Variants in PCDH15 observed in about 807,000 individuals in gnomAD.
PCDH15 encodes protocadherin related 15.
In PCDH15, 129 loss-of-function variants were observed where a neutral mutation model predicts 178.5. The ratio of observed to expected loss-of-function variants is 0.72; its 90% CI spans 0.63 to 0.84. The LOEUF is 0.84. Among genes scored for constraint, PCDH15 ranks in the 40% least tolerant of loss-of-function variants. The probability of loss-of-function intolerance (pLI) is 0.00; values close to 1 mark genes in which losing one functional copy is unlikely to be tolerated. For synonymous variants in PCDH15, 800 were observed against 732.0 expected (o/e 1.09, Z -1.50); for missense variants, 2,230 against 2,099.9 (o/e 1.06, Z -1.21).
At chr10:55,564,133 G>A (rs1050991979) in intron 2 of PCDH15, among the ~76,000 whole-genome samples, 2 of 151,550 alleles carry the variant, frequency 1.3e-5, no homozygotes, top group African/African-American at 4.8e-5. Context: ...TATAACTTTG[G>A]TTTGTACATC....
chr10:54,835,808 G>T (rs2133755970), intron 3 of PCDH15, among the ~76,000 whole-genome samples: 1 of 152,246 alleles, frequency 6.6e-6, no homozygotes, highest in Non-Finnish European at 1.5e-5. Flanking sequence ...TGTGTCTGTA[G>T]ATAGATTATA....
chr10:54,217,336 C>T (rs1204274820), intron 9 of PCDH15, among the ~76,000 whole-genome samples: 2 of 152,122 alleles, frequency 1.3e-5, no homozygotes, highest in South Asian at 4.1e-4. Flanking sequence ...ACTGACATCA[C>T]ACCCACAGTG....
At chr10:54,778,733 C>T (rs1207954235) in intron 1 of PCDH15, among the ~76,000 whole-genome samples, 1 of 152,024 alleles carries the variant, frequency 6.6e-6, no homozygotes, top group Admixed American at 6.6e-5. Context: ...CTACTCTTGA[C>T]TGGTCGTATT....
chr10:54,472,515 T>C (rs2136713856), intron 3 of PCDH15, among the ~76,000 whole-genome samples: 1 of 152,278 alleles, frequency 6.6e-6, no homozygotes, highest in South Asian at 2.1e-4. Context: ...AACCCACGTA[T>C]GAAACAACAG....
chr10:54,171,920 C>T (rs1373414601), intron 13 of PCDH15, among the ~76,000 whole-genome samples: 2 of 149,976 alleles, frequency 1.3e-5, no homozygotes, highest in Non-Finnish European at 1.5e-5. Flanking sequence ...GTTCCCACGC[C>T]GCCCCTAATC....
intron 21 of PCDH15, among the ~76,000 whole-genome samples, chr10:53,968,310 A>G (rs7896582): frequency 0.71 from 107,248 of 151,978 alleles, 38,235 homozygotes; most frequent in East Asian, 0.87. Context: ...GGGGAGGGGC[A>G]TCCACCATTG....
At chr10:54,506,137 T>A (rs1294001943) in intron 3 of PCDH15, among the ~76,000 whole-genome samples, 3 of 152,126 alleles carry the variant, frequency 2.0e-5, no homozygotes, top group South Asian at 2.1e-4. Flanking sequence ...CTTTTATATA[T>A]CTGATATATC....
chr10:54,605,058 GATT>G (rs1221916937), intron 2 of PCDH15, among the ~76,000 whole-genome samples: 1 of 151,560 alleles, frequency 6.6e-6, no homozygotes. Flanking sequence ...TCCCATTATA[GATT>G]ATTGATATCA....
intron 2 of PCDH15, among the ~76,000 whole-genome samples, chr10:55,526,672 C>G (rs1197066420): frequency 6.6e-6 from 1 of 152,072 alleles, no homozygotes; most frequent in Non-Finnish European, 1.5e-5. Flanking sequence ...CAGACTATCA[C>G]ACTCAAACAA....
At position 55,064,436 on chromosome 10, in the gene PCDH15, G is replaced by A. The variant is rs566438701; in HGVS notation, c.-80+102140C>T. Reference sequence around the variant, plus strand: ...ACATCATGCCTGAAATCCCTTGCACGTGCCTGAAAAGCACACATGTGTGCA... The same window carrying A: ...ACATCATGCCTGAAATCCCTTGCACATGCCTGAAAAGCACACATGTGTGCA... On this transcript the variant is annotated intron_variant, in intron 2 of 5. Transcript: ENST00000458638. 1.6e-3 allele frequency among the ~76,000 whole-genome samples: 243 copies of A among 152,034 alleles called. 1 individual carries two copies. Among genetic ancestry groups the A allele is most frequent in the Non-Finnish European group, 2.9e-3 (194 of 67,960 alleles).
rs192073449 is a variant in PCDH15 at position 55,370,946 on chromosome 10, T to G, written c.-155-204295A>C. 4.3e-3 allele frequency among the ~76,000 whole-genome samples: 651 copies of G among 152,212 alleles called. 2 individuals are homozygous for G. The highest frequency in any genetic ancestry group is 0.02 in the Middle Eastern group (6 of 294). The stretch of plus-strand genomic sequence containing the variant: ...TGACAAATGGCCTGTAACTTTGAGG[T>G]TGCATCTGAATTTGGGTGTGTGACA... On this transcript the variant is annotated intron_variant, in intron 2 of 5. Coordinates refer to the PCDH15 transcript ENST00000613346.
At chr10:54,865,366 G>A (rs1018295255) in intron 3 of PCDH15, among the ~76,000 whole-genome samples, 6 of 152,134 alleles carry the variant, frequency 3.9e-5, no homozygotes, top group African/African-American at 1.4e-4. Flanking sequence ...GTGGCTTGTG[G>A]GGGACGCTCA....
chr10:54,025,107 G>A (rs913744598), intron 18 of PCDH15, among the ~76,000 whole-genome samples: 4 of 152,038 alleles, frequency 2.6e-5, no homozygotes, highest in Admixed American at 1.3e-4. Flanking sequence ...TGGTAGAATG[G>A]CTCAATTTGA....
At chr10:54,087,042 T>C (rs962471343) in intron 16 of PCDH15, among the ~76,000 whole-genome samples, 1 of 152,072 alleles carries the variant, frequency 6.6e-6, no homozygotes, top group African/African-American at 2.4e-5. Context: ...AATTGAAAAA[T>C]CTCTTGGCAT....
At chr10:54,873,109 C>A (rs1047967467) in intron 3 of PCDH15, among the ~76,000 whole-genome samples, 1 of 152,066 alleles carries the variant, frequency 6.6e-6, no homozygotes, top group African/African-American at 2.4e-5. Flanking sequence ...GTAAATTTGA[C>A]CTTTTTGGTG....
chr10:54,620,390 T>C (rs1357113322), intron 2 of PCDH15, among the ~76,000 whole-genome samples: 1 of 152,028 alleles, frequency 6.6e-6, no homozygotes, highest in Non-Finnish European at 1.5e-5. Flanking sequence ...ATAAAAAAGA[T>C]TCTAATATTT....
intron 1 of PCDH15, among the ~76,000 whole-genome samples, chr10:54,797,823 T>C (rs1284923400): frequency 1.3e-5 from 2 of 151,864 alleles, no homozygotes; most frequent in African/African-American, 2.4e-5. Context: ...GCGGGGTGTG[T>C]CCATCTTACT....
At chr10:54,081,912 C>T (rs148179037) in intron 16 of PCDH15, among the ~76,000 whole-genome samples, 1 of 152,126 alleles carries the variant, frequency 6.6e-6, no homozygotes, top group African/African-American at 2.4e-5. Flanking sequence ...GGACCTTCAA[C>T]AGCAAATTTG....
intron 2 of PCDH15, among the ~76,000 whole-genome samples, chr10:54,629,032 T>A (rs186236460): frequency 6.6e-6 from 1 of 152,264 alleles, no homozygotes; most frequent in Non-Finnish European, 1.5e-5. Context: ...AGAAAGCTTA[T>A]GACAAAATTA....
Sources: gnomAD v4.1 joint callset for allele counts (sites outside exome capture counted in the v4.1 genomes callset) on GRCh38, gnomAD v4.1.1 for gene constraint, MANE v1.5 for transcripts, NCBI Gene and HGNC (gene_info 2026-07-23, HGNC 2026-07-21) for gene names.